SLC38A11: variants seen among roughly 807,000 people sequenced by gnomAD.
The protein encoded by SLC38A11 is putative sodium-coupled neutral amino acid transporter 11.
In SLC38A11, 51 loss-of-function variants were observed where a neutral mutation model predicts 49.4. That is an observed-to-expected ratio of 1.03 (90% CI 0.83 to 1.30). The LOEUF is 1.30. Ranked by LOEUF, SLC38A11 falls within the 50% of genes most tolerant of loss-of-function variation. SLC38A11 has a pLI of 0.00. For synonymous variants in SLC38A11, 203 were observed against 192.9 expected, an observed-to-expected ratio of 1.05 and a Z score of -0.43; for missense variants, 574 against 556.2, an observed-to-expected ratio of 1.03 and a Z score of -0.32.
Position 164,911,617 on chromosome 2 carries a change from G to T in SLC38A11, c.963+19C>A. The T allele has an allele frequency of 1.5e-6, 2 of 1,332,666 alleles. No individual in the cohort carries two copies. The highest frequency in any genetic ancestry group is 1.0e-6 in the Non-Finnish European group (1 of 955,650). 82.6% of individuals were successfully genotyped at this position (1,332,666 alleles called of 1,614,324 possible). ...AGAGAGATCACCTGGGTAAAGCGTTGGGAAGGAACCGCGCTTACCTCTCTT... is the reference window on the plus strand; with the variant it reads ...AGAGAGATCACCTGGGTAAAGCGTTTGGAAGGAACCGCGCTTACCTCTCTT... On this transcript the variant is annotated intron_variant, in intron 10 of 11. Coordinates refer to ENST00000685975, the MANE Select transcript of SLC38A11 (RefSeq NM_001351537.2).
intron 10 of SLC38A11, among the ~76,000 whole-genome samples, chr2:164,909,838 A>G (rs536265230): frequency 6.6e-5 from 10 of 152,190 alleles, no homozygotes; most frequent in African/African-American, 2.2e-4. Flanking sequence ...CTGCCTGGAT[A>G]TGCAACATCT....
chr2:164,926,203 A>T (rs952898178), intron 7 of SLC38A11, among the ~76,000 whole-genome samples: 5 of 152,156 alleles, frequency 3.3e-5, no homozygotes, highest in African/African-American at 1.2e-4. Context: ...TTGAGACTCG[A>T]TCTAGTTACT....
Position 164,897,661 on chromosome 2 carries a change from AT to A in SLC38A11, c.*775del, listed in dbSNP as rs1403982910. The A allele has an allele frequency of 8.5e-5, 13 of 152,202 alleles. No individual in the cohort carries two copies. The highest frequency in any genetic ancestry group is 3.1e-4 in the African/African-American group (13 of 41,452). 9.4% of individuals were successfully genotyped at this position (152,202 alleles called of 1,614,324 possible). On this transcript the variant is annotated 3_prime_UTR_variant, in exon 12 of 12. Coordinates refer to ENST00000685975, the MANE Select transcript of SLC38A11 (RefSeq NM_001351537.2). ...TTCAAAGTTCAGCTTCCAGTTGTAC[AT>A]TCCTGACAGCACTAAAAATCCAACA...
At chr2:164,905,732 C>G (rs1489511354) in intron 11 of SLC38A11, among the ~76,000 whole-genome samples, 1 of 152,062 alleles carries the variant, frequency 6.6e-6, no homozygotes. Flanking sequence ...TAGGTCATAA[C>G]AGACAATTTA....
rs1684384121 is a variant in SLC38A11, at chr2:164,896,773, T to A, written c.*1664A>T. ...TCACCACTAAAACCCTGAGCATGGT[T>A]CTACCTGCTAAAATGCATCTTCCTT... On this transcript the variant is annotated 3_prime_UTR_variant, in exon 12 of 12. Transcript: ENST00000685975. 1 of 152,152 alleles carries A rather than the reference T, an allele frequency of 6.6e-6. No homozygotes were observed. The highest frequency in any genetic ancestry group is 2.4e-5 in the African/African-American group (1 of 41,432). The allele number at this position is 152,152 out of a possible 1,614,324, so 9.4% of individuals were successfully genotyped here.
At chr2:164,936,032 T>G (rs529653756) in intron 7 of SLC38A11, among the ~76,000 whole-genome samples, 1 of 152,212 alleles carries the variant, frequency 6.6e-6, no homozygotes, top group South Asian at 2.1e-4. Flanking sequence ...TCCAGAACTA[T>G]GAGAAAATAC....
intron 7 of SLC38A11, among the ~76,000 whole-genome samples, chr2:164,925,680 A>G (rs6717793): frequency 0.014 from 2,141 of 152,258 alleles, 49 homozygotes; most frequent in African/African-American, 0.049. Flanking sequence ...ATGTCTCCCT[A>G]GCAGCGTATT....
At chr2:164,951,624 C>G (rs1291214499) in intron 3 of SLC38A11, among the ~76,000 whole-genome samples, 1 of 152,144 alleles carries the variant, frequency 6.6e-6, no homozygotes, top group African/African-American at 2.4e-5. Flanking sequence ...GAAAAAATAG[C>G]TGAGTGTTGG....
Position 164,941,691 on chromosome 2 carries a change from T to C in SLC38A11, c.431-2135A>G, listed in dbSNP as rs540011784. 1.3e-3 allele frequency among the ~76,000 whole-genome samples: 205 copies of C among 152,186 alleles called. 1 individual carries two copies. Among genetic ancestry groups the C allele is most frequent in the African/African-American group, 4.8e-3 (200 of 41,560 alleles). On this transcript the variant is annotated intron_variant, in intron 5 of 11. Coordinates refer to ENST00000685975, the MANE Select transcript of SLC38A11 (RefSeq NM_001351537.2). ...CATTCTTTGTATAATTAAAAATTAATAAAAATTAACAATCAAAATGTTTCT... is the reference window on the plus strand; with the variant it reads ...CATTCTTTGTATAATTAAAAATTAACAAAAATTAACAATCAAAATGTTTCT...
At chr2:164,950,843 T>C (rs1307608558) in intron 3 of SLC38A11, among the ~76,000 whole-genome samples, 8 of 152,176 alleles carry the variant, frequency 5.3e-5, no homozygotes, top group African/African-American at 1.7e-4. Flanking sequence ...AAACCACTGA[T>C]TAATTATAGC....
At chr2:164,945,462 TAAAC>T in intron 4 of SLC38A11, 127 bp downstream of exon 4, 1 of 816,192 alleles carries the variant, frequency 1.2e-6, no homozygotes, top group Admixed American at 4.0e-5. Flanking sequence ...GTTAAAGAAG[TAAAC>T]ATTTCATTTG....
Position 164,945,694 on chromosome 2 carries a change from GC to G in SLC38A11, c.262del (p.Ala88ProfsTer34). The G allele has an allele frequency of 6.2e-7, 1 of 1,607,930 alleles. No individual in the cohort carries two copies. The highest frequency in any genetic ancestry group is 8.5e-7 in the Non-Finnish European group (1 of 1,178,708). ...FSLVLLIKGG[A>X]LSGTDTYQSL... ...CTGGTAGGTATCTGTTCCAGAGAGG[GC>G]CCCTCCTTTTATCAATAAAACAAGG... On this transcript the variant is annotated frameshift_variant, in exon 4 of 12. Transcript: ENST00000685975. LOFTEE classifies it high-confidence loss of function.
At chr2:164,905,370 G>A (rs1000751577) in intron 11 of SLC38A11, among the ~76,000 whole-genome samples, 2 of 152,046 alleles carry the variant, frequency 1.3e-5, no homozygotes, top group Non-Finnish European at 2.9e-5. Flanking sequence ...GACCTCAGGT[G>A]ATCCGCCTGC....
chr2:164,952,781 C>G lies in SLC38A11; in HGVS notation c.155G>C (p.Gly52Ala). The G allele has an allele frequency of 3.8e-6, 6 of 1,593,276 alleles. No individual in the cohort carries two copies. The highest frequency in any genetic ancestry group is 4.3e-6 in the Non-Finnish European group (5 of 1,174,818). Reference sequence around the variant, plus strand: ...AGCTTGCTTCATTGAATAAGGCAATCCTGAAAAAACATAAAATGCCCCACC... The same window carrying G: ...AGCTTGCTTCATTGAATAAGGCAATGCTGAAAAAACATAAAATGCCCCACC... ...VNSIIGSGII[G>A]LPYSMKQAGF... The change falls in exon 3 of 12, where the codon GGA (glycine) becomes GCA (alanine). Residue 52 changes from glycine (G) to alanine (A), a missense_variant and splice_region_variant. By Grantham distance (60) the Gly-to-Ala change is moderately conservative. Coordinates refer to ENST00000685975, the MANE Select transcript of SLC38A11 (RefSeq NM_001351537.2).
intron 7 of SLC38A11, among the ~76,000 whole-genome samples, chr2:164,936,541 G>T (rs1687385306): frequency 6.6e-6 from 1 of 152,074 alleles, no homozygotes; most frequent in South Asian, 2.1e-4. Flanking sequence ...CCTCTTTAGA[G>T]AAAACATTTA....
At chr2:164,952,932 T>A in intron 2 of SLC38A11, 151 bp from the exon 3 acceptor site, 1 of 628,176 alleles carries the variant, frequency 1.6e-6, no homozygotes, top group East Asian at 2.9e-5. Flanking sequence ...AGAATTAATA[T>A]TAAATGTTAG....
In SLC38A11 at chr2:164,945,693, G is replaced by A; in HGVS notation, c.264C>T (p.Ala88=). The A allele has an allele frequency of 1.2e-6, 2 of 1,607,716 alleles. No homozygotes were observed. Among genetic ancestry groups the A allele is most frequent in the Non-Finnish European group, 8.5e-7 (1 of 1,178,648 alleles). Residue 88 remains alanine, a synonymous_variant, in exon 4 of 12, where the codon GCC becomes GCT. Transcript: ENST00000685975. ...ACTGGTAGGTATCTGTTCCAGAGAG[G>A]GCCCCTCCTTTTATCAATAAAACAA... ...FSLVLLIKGG[A]LSGTDTYQSL...
At chr2:164,920,278 TAAAA>T (rs57519342) in intron 7 of SLC38A11, among the ~76,000 whole-genome samples, 2 of 133,980 alleles carry the variant, frequency 1.5e-5, no homozygotes. Flanking sequence ...AAGACTCCGT[TAAAA>T]AAAAAAAAAA....
In SLC38A11 at chr2:164,945,666, A is replaced by G; in HGVS notation, c.291T>C (p.Ser97=). The G allele has an allele frequency of 1.9e-6, 3 of 1,612,380 alleles. No homozygotes were observed. The highest frequency in any genetic ancestry group is 2.5e-6 in the Non-Finnish European group (3 of 1,179,676). ...GALSGTDTYQ[S]LVNKTFGFPG... ...GAAAGCCGAAAGTTTTATTGACCAAAGACTGGTAGGTATCTGTTCCAGAGA... is the reference window on the plus strand; with the variant it reads ...GAAAGCCGAAAGTTTTATTGACCAAGGACTGGTAGGTATCTGTTCCAGAGA... The change falls in exon 4 of 12, where the codon TCT becomes TCC. Residue 97 remains serine, a synonymous_variant. Coordinates refer to ENST00000685975, the MANE Select transcript of SLC38A11 (RefSeq NM_001351537.2).
Sources: gnomAD v4.1 joint callset for allele counts (sites outside exome capture counted in the v4.1 genomes callset) on GRCh38, gnomAD v4.1.1 for gene constraint, MANE v1.5 for transcripts, NCBI Gene and HGNC (gene_info 2026-07-23, HGNC 2026-07-21) for gene names.